Variants in PUM2 observed in about 807,000 individuals in gnomAD.
PUM2 encodes the protein pumilio homolog 2.
Under a neutral mutation model 124.5 loss-of-function variants are expected in PUM2, and 57 were observed. That is an observed-to-expected ratio of 0.46 (90% CI 0.37 to 0.57). PUM2 has a LOEUF of 0.57. Among genes scored for constraint, PUM2 ranks in the 20% least tolerant of loss-of-function variants. The probability of loss-of-function intolerance (pLI) is 0.00; values close to 1 mark genes in which losing one functional copy is unlikely to be tolerated. For missense variants in PUM2, 1,065 were observed against 1,290.6 expected, an observed-to-expected ratio of 0.83 and a Z score of 2.68; for synonymous variants, 460 against 446.1, an observed-to-expected ratio of 1.03 and a Z score of -0.39.
intron 1 of PUM2, among the ~76,000 whole-genome samples, chr2:20,332,556 C>G (rs549540798): frequency 6.6e-6 from 1 of 151,996 alleles, no homozygotes; most frequent in Non-Finnish European, 1.5e-5. Context: ...AACTCTCAGG[C>G]AATACCATAT....
chr2:20,286,954 T>A (rs887890357), intron 10 of PUM2, among the ~76,000 whole-genome samples: 1 of 152,060 alleles, frequency 6.6e-6, no homozygotes, highest in African/African-American at 2.4e-5. Flanking sequence ...TGAGAAAGTC[T>A]GTGACTGGTT....
intron 1 of PUM2, among the ~76,000 whole-genome samples, chr2:20,328,291 T>C (rs180730754): frequency 1.3e-4 from 20 of 152,010 alleles, no homozygotes; most frequent in Non-Finnish European, 2.2e-4. Flanking sequence ...AATCGTGCCA[T>C]TGCACTCCAG....
At chr2:20,261,420 A>AG (rs1666228601) in intron 14 of PUM2, among the ~76,000 whole-genome samples, 1 of 148,814 alleles carries the variant, frequency 6.7e-6, no homozygotes, top group Non-Finnish European at 1.5e-5. Context: ...AAAAAAAAAA[A>AG]AAGTGTAGTA....
Position 20,249,958 on chromosome 2 carries a change from C to T in PUM2, c.*1627G>A, listed in dbSNP as rs1372886949. 6.6e-6 allele frequency: 1 copy of T among 152,630 alleles called. No individual in the cohort carries two copies. Among genetic ancestry groups the T allele is most frequent in the African/African-American group, 2.4e-5 (1 of 41,448 alleles). 9.5% of individuals were successfully genotyped at this position (152,630 alleles called of 1,614,324 possible). A position where few individuals can be genotyped will look rare whatever the true frequency, so the allele number is the denominator to read the frequency against. ...GTACATAAGGCCGCTTGTAAATGTA[C>T]ATCGTGTTACTGTTATGTCTTATGT... is the stretch of plus-strand genomic sequence containing the variant. On this transcript the variant is annotated 3_prime_UTR_variant, in exon 21 of 21. Transcript: ENST00000361078.
Position 20,250,984 on chromosome 2 carries a change from C to A in PUM2, c.*601G>T, listed in dbSNP as rs1438707396. 1 of 152,562 alleles carries A rather than the reference C, an allele frequency of 6.6e-6. No individual in the cohort carries two copies. Among genetic ancestry groups the A allele is most frequent in the African/African-American group, 2.4e-5 (1 of 41,432 alleles). 9.5% of individuals were successfully genotyped at this position (152,562 alleles called of 1,614,324 possible). On this transcript the variant is annotated 3_prime_UTR_variant, in exon 21 of 21. Transcript: ENST00000361078. ...ACTGTAAATAATGTTAGGTTCTTTT[C>A]ATCTCAAACCACTTTATTCTTGTCT...
At chr2:20,270,547 AAT>A (rs140412304) in intron 13 of PUM2, among the ~76,000 whole-genome samples, 41,327 of 151,668 alleles carry the variant, frequency 0.27, 6,078 homozygotes, top group Middle Eastern at 0.34. Context: ...GTAAAAAACA[AAT>A]AAACACACAC....
Position 20,294,385 on chromosome 2 carries a change from T to A in PUM2, c.1143A>T (p.Gly381=). The A allele has an allele frequency of 6.2e-7, 1 of 1,614,060 alleles. No individual in the cohort carries two copies. The highest frequency in any genetic ancestry group is 8.5e-7 in the Non-Finnish European group (1 of 1,180,010). ...SQQAASQAQP[G]QQQVLRAGAG... is the part of the protein sequence containing the mutation. ...TAGAAGGAAGGCCTACCTGTTGCTG[T>A]CCAGGCTGAGCTTGTGATGCTGCTT... Residue 381 remains glycine, a synonymous_variant, in exon 9 of 21, where the codon GGA becomes GGT. Coordinates refer to ENST00000361078, the MANE Select transcript of PUM2 (RefSeq NM_015317.5).
At chr2:20,310,487 C>A (rs1572858087) in intron 5 of PUM2, among the ~76,000 whole-genome samples, 1 of 152,122 alleles carries the variant, frequency 6.6e-6, no homozygotes, top group East Asian at 1.9e-4. Context: ...ATTTTACATG[C>A]ATTTCCTTTA....
intron 1 of PUM2, among the ~76,000 whole-genome samples, chr2:20,337,130 G>A (rs1316679822): frequency 6.6e-6 from 1 of 151,898 alleles, no homozygotes; most frequent in East Asian, 1.9e-4. Flanking sequence ...TGAAGCGGGG[G>A]AAGCAGATTA....
rs746297678 is a variant in PUM2 at position 20,256,101 on chromosome 2, C to T, written c.2554G>A (p.Val852Ile). ...TGAACACATTCGATACATTTTTGTA[C>T]AACATGGTTTCCATTCTGATCTTTC... is the stretch of plus-strand genomic sequence containing the variant. The part of the protein sequence containing the change: ...CVKDQNGNHV[V>I]QKCIECVQPQ... Residue 852 changes from valine (V) to isoleucine (I), a missense_variant, in exon 17 of 21, where the codon GTA becomes ATA. Physicochemically the swap from Val to Ile is conservative, Grantham distance 29. Around this residue, in one of 3 missense-constraint regions of PUM2, gnomAD observed 968 missense variants for 1,159.8 expected, o/e 0.83. Transcript: ENST00000361078. 3.0e-5 allele frequency: 48 copies of T among 1,602,418 alleles called. No individual in the cohort carries two copies. In the South Asian group the frequency reaches 4.8e-4, roughly 16 times the overall value.
rs1360801152 is a variant in PUM2 at position 20,253,804 on chromosome 2, T to TGTTA, written c.3063+14_3063+17dup. 6.3e-7 allele frequency: 1 copy of TGTTA among 1,581,680 alleles called. No homozygotes were observed. The highest frequency in any genetic ancestry group is 8.6e-7 in the Non-Finnish European group (1 of 1,156,884). ...ACACAAAGACAAACAGTTATCTGAGTGTTACATGCTGTATTACCTTGTGCA... is the reference window on the plus strand; with the variant it reads ...ACACAAAGACAAACAGTTATCTGAGTGTTAGTTACATGCTGTATTACCTTGTGCA... On this transcript the variant is annotated intron_variant, in intron 20 of 20. Coordinates refer to ENST00000361078, the MANE Select transcript of PUM2 (RefSeq NM_015317.5).
intron 13 of PUM2, among the ~76,000 whole-genome samples, chr2:20,270,014 G>A (rs1193184159): frequency 1.3e-5 from 2 of 152,108 alleles, no homozygotes; most frequent in Non-Finnish European, 1.5e-5. Context: ...CCTATCAAAA[G>A]GGGGTAATGT....
intron 2 of PUM2, among the ~76,000 whole-genome samples, chr2:20,320,963 T>G (rs1187823916): frequency 1.3e-5 from 2 of 152,112 alleles, no homozygotes; most frequent in African/African-American, 4.8e-5. Context: ...AGTCTCAGTA[T>G]CAAAATAATA....
intron 1 of PUM2, among the ~76,000 whole-genome samples, chr2:20,341,503 A>G (rs1340955159): frequency 6.6e-6 from 1 of 152,218 alleles, no homozygotes; most frequent in Non-Finnish European, 1.5e-5. Flanking sequence ...GTATGACTAC[A>G]TATGTTTGTG....
At chr2:20,334,220 G>C (rs1414688600) in intron 1 of PUM2, among the ~76,000 whole-genome samples, 1 of 152,146 alleles carries the variant, frequency 6.6e-6, no homozygotes, top group East Asian at 1.9e-4. Context: ...GCTGAGGTGG[G>C]AAGACTGCTT....
intron 3 of PUM2, among the ~76,000 whole-genome samples, chr2:20,313,380 A>G (rs1680115104): frequency 6.6e-6 from 1 of 152,250 alleles, no homozygotes; most frequent in Non-Finnish European, 1.5e-5. Flanking sequence ...ATAAAAACCT[A>G]TGTTAAGAAC....
intron 1 of PUM2, among the ~76,000 whole-genome samples, chr2:20,330,589 T>C (rs1448688214): frequency 6.6e-6 from 1 of 152,226 alleles, no homozygotes; most frequent in African/African-American, 2.4e-5. Context: ...GCCTGCCCCA[T>C]TCTCCCATAC....
intron 19 of PUM2, 81 bp from the exon 20 acceptor site, chr2:20,254,095 C>T (rs1664174688): frequency 1.7e-6 from 2 of 1,182,020 alleles, no homozygotes; most frequent in East Asian, 2.5e-5. Flanking sequence ...AAAGAATCTT[C>T]TCCAATGAAC....
Position 20,296,385 on chromosome 2 carries a change from C to T in PUM2, c.1009+1168G>A, listed in dbSNP as rs543111402. Among the ~76,000 whole-genome samples the T allele has an allele frequency of 5.1e-3, 777 of 152,066 alleles. 3 individuals carry two copies. The highest frequency in any genetic ancestry group is 0.017 in the African/African-American group (725 of 41,470). ...TGGTGGGCGCCTGTAGTCCCAGCTA[C>T]TCGGGAGGCTGAGGCAGGAGAATGG... On this transcript the variant is annotated intron_variant, in intron 8 of 20. Transcript: ENST00000361078.
Sources: allele counts gnomAD v4.1 joint callset (sites outside exome capture counted in the v4.1 genomes callset), GRCh38; gene constraint gnomAD v4.1.1; regional missense constraint gnomAD v4.1.1; transcripts MANE v1.5; gene names NCBI Gene and HGNC (gene_info 2026-07-23, HGNC 2026-07-21).